Variants in BANP observed in about 807,000 individuals in gnomAD.
BANP encodes protein BANP.
BANP carries 11 observed loss-of-function variants against 68.1 expected under a neutral mutation model. The observed-to-expected ratio is 0.16, with a 90% confidence interval of 0.10 to 0.27. The LOEUF is 0.27. BANP is among the 10% of genes least tolerant of loss of function. The probability of loss-of-function intolerance (pLI) is 1.00; values close to 1 mark genes in which losing one functional copy is unlikely to be tolerated. For synonymous variants in BANP, 329 were observed against 303.2 expected, an observed-to-expected ratio of 1.09 and a Z score of -0.88; for missense variants, 504 against 722.7, an observed-to-expected ratio of 0.70 and a Z score of 3.47.
intron 4 of BANP, 60 bp downstream of exon 4, chr16:87,984,319 C>T (rs2063858907): frequency 7.1e-7 from 1 of 1,411,894 alleles, no homozygotes; most frequent in Non-Finnish European, 9.6e-7. Context: ...GCGTCACCTC[C>T]TCGCCCAGGC....
At chr16:88,009,826 TAAG>T (rs1490711441) in intron 6 of BANP, among the ~76,000 whole-genome samples, 1 of 147,536 alleles carries the variant, frequency 6.8e-6, no homozygotes, top group Admixed American at 6.6e-5. Context: ...CTCATTAGAA[TAAG>T]AAGGACAGTA....
Position 88,002,144 on chromosome 16 carries a change from A to G in BANP, c.363-2151A>G, listed in dbSNP as rs2069584391. ...GACTGCTTAGATGAGACAGGATTCC[A>G]TGTTGGTCCTGCTGTTTTTGGTTTT... On this transcript the variant is annotated intron_variant, in intron 4 of 13. Coordinates refer to ENST00000682872, the MANE Select transcript of BANP (RefSeq NM_001386991.1). This position sits in a 1 kb window ranked among gnomAD's most constrained non-coding sequence, Gnocchi z 4.6. Among the ~76,000 whole-genome samples the G allele has an allele frequency of 1.3e-5, 2 of 152,286 alleles. No individual in the cohort carries two copies. The highest frequency in any genetic ancestry group is 2.1e-4 in the South Asian group (1 of 4,824).
At chr16:88,021,040 C>T (rs2075940855) in intron 7 of BANP, among the ~76,000 whole-genome samples, 1 of 152,210 alleles carries the variant, frequency 6.6e-6, no homozygotes, top group South Asian at 2.1e-4. Flanking sequence ...AGTTGACCTT[C>T]TCTGCTGAGC....
chr16:87,963,982 G>A (rs559187596), intron 1 of BANP, among the ~76,000 whole-genome samples: 1 of 152,170 alleles, frequency 6.6e-6, no homozygotes, highest in African/African-American at 2.4e-5. Context: ...GCAGCTGTCC[G>A]TTTCTCCTGA....
chr16:87,959,574 G>A (rs966281867), intron 1 of BANP, among the ~76,000 whole-genome samples: 2 of 152,372 alleles, frequency 1.3e-5, no homozygotes, highest in East Asian at 3.9e-4. Flanking sequence ...GAGGAACAGC[G>A]CTGGCGTCAG....
chr16:88,058,685 A>G (rs896923941), intron 11 of BANP, among the ~76,000 whole-genome samples: 8 of 152,056 alleles, frequency 5.3e-5, no homozygotes, highest in Admixed American at 5.2e-4. Context: ...GTTTGTAGGA[A>G]GCCTGTGGTA....
chr16:88,069,950 G>A (rs751119712), intron 12 of BANP, among the ~76,000 whole-genome samples: 2 of 151,830 alleles, frequency 1.3e-5, no homozygotes, highest in African/African-American at 2.4e-5. Flanking sequence ...AGCCTCTCCT[G>A]TTCCTCCTCT....
intron 1 of BANP, among the ~76,000 whole-genome samples, chr16:87,954,954 C>T (rs548190422): frequency 1.8e-4 from 27 of 152,234 alleles, no homozygotes; most frequent in Non-Finnish European, 3.4e-4. Flanking sequence ...GCCAAGCCGC[C>T]GTTCCACAGC....
chr16:87,950,213 C>G (rs928806274), upstream of BANP, among the ~76,000 whole-genome samples: 1 of 152,112 alleles, frequency 6.6e-6, no homozygotes, highest in African/African-American at 2.4e-5. Context: ...AGCTGCCTCG[C>G]CCTGTGTTTG....
At chr16:88,017,649 G>A (rs1002310303) in intron 6 of BANP, among the ~76,000 whole-genome samples, 2 of 152,192 alleles carry the variant, frequency 1.3e-5, no homozygotes, top group African/African-American at 2.4e-5. Context: ...GCTGGCGGGC[G>A]TCACTGCCTG....
chr16:88,064,908 G>A lies in BANP; in HGVS notation c.1312-359G>A, dbSNP rs1337776719. ...CCTCCAGGGGAACACGAGTCATAGA[G>A]GACATTTCATTTTTTTTCTCCTCCA... On this transcript the variant is annotated intron_variant, in intron 11 of 13. Coordinates refer to ENST00000682872, the MANE Select transcript of BANP (RefSeq NM_001386991.1). The surrounding 1 kb of genome is among the most constrained non-coding windows in gnomAD (Gnocchi z 4.5). Among the ~76,000 whole-genome samples, 2 of 152,250 alleles carry A rather than the reference G, an allele frequency of 1.3e-5. No individual in the cohort carries two copies. Among genetic ancestry groups the A allele is most frequent in the Non-Finnish European group, 2.9e-5 (2 of 68,048 alleles).
intron 7 of BANP, among the ~76,000 whole-genome samples, chr16:88,021,823 A>C (rs1598523913): frequency 1.3e-5 from 2 of 152,148 alleles, no homozygotes; most frequent in Non-Finnish European, 2.9e-5. Flanking sequence ...GGCTGTCCTC[A>C]CTCAACCCAG....
intron 8 of BANP, among the ~76,000 whole-genome samples, chr16:88,031,648 C>CAAA (rs1230300944): frequency 1.8e-5 from 2 of 109,464 alleles, no homozygotes; most frequent in African/African-American, 6.1e-5. Context: ...GACTCTCTCT[C>CAAA]AAAAAAAAAA....
chr16:88,010,760 G>A (rs776431451), intron 6 of BANP, among the ~76,000 whole-genome samples: 13 of 151,428 alleles, frequency 8.6e-5, no homozygotes, highest in Non-Finnish European at 1.9e-4. Flanking sequence ...AAAGGAGAAC[G>A]TGTAGCCACG....
At chr16:88,023,678 G>T (rs1255225129) in intron 7 of BANP, among the ~76,000 whole-genome samples, 1 of 152,168 alleles carries the variant, frequency 6.6e-6, no homozygotes, top group Non-Finnish European at 1.5e-5. Flanking sequence ...TTCCCACAGT[G>T]CCTCTCATGG....
At chr16:87,970,680 G>A (rs1445524973) in intron 1 of BANP, among the ~76,000 whole-genome samples, 1 of 152,106 alleles carries the variant, frequency 6.6e-6, no homozygotes, top group African/African-American at 2.4e-5. Context: ...TGTTCACAAG[G>A]GCATCAGGGA....
chr16:88,063,928 AGTCATGACTTTCAAATGTTTCT>A lies in BANP; in HGVS notation c.1312-1338_1312-1317del, dbSNP rs778322379. On this transcript the variant is annotated intron_variant, in intron 11 of 13. Transcript: ENST00000682872. ...TTCTCAACTGGGAATGCATTTGAAA[AGTCATGACTTTCAAATGTTTCT>A]ACATTGATTTTGTTTTGATAAGTTT... 9.5e-4 allele frequency among the ~76,000 whole-genome samples: 144 copies of A among 152,352 alleles called. 1 individual carries two copies. Among genetic ancestry groups the A allele is most frequent in the Non-Finnish European group, 1.2e-3 (81 of 68,032 alleles).
intron 1 of BANP, among the ~76,000 whole-genome samples, chr16:87,974,618 G>A (rs577457909): frequency 1.3e-5 from 2 of 152,332 alleles, no homozygotes; most frequent in African/African-American, 4.8e-5. Flanking sequence ...AGTGGTATGG[G>A]TGGGAAGGGA....
In BANP at chr16:88,033,123, A is replaced by G. The variant is rs748053950; in HGVS notation, c.1078A>G (p.Thr360Ala). ...TGCCCCCACAGAGCCGATGATGAGC[A>G]CCCCACCTCCTGCCAGCGAGCTCCC... ...SYCPSEPMMS[T>A]PPPASELPQP... is the part of the protein sequence containing the mutation. Residue 360 changes from threonine (T) to alanine (A), a missense_variant, in exon 9 of 14, where the codon ACC becomes GCC. Physicochemically the swap from Thr to Ala is moderately conservative, Grantham distance 58. Transcript: ENST00000682872. 4 of 1,605,048 alleles carry G rather than the reference A, an allele frequency of 2.5e-6. No homozygotes were observed. Among genetic ancestry groups the G allele is most frequent in the Admixed American group, 3.4e-5 (2 of 59,624 alleles).
Sources: gnomAD v4.1 joint callset for allele counts (sites outside exome capture counted in the v4.1 genomes callset) on GRCh38, gnomAD v4.1.1 for gene constraint, Gnocchi (gnomAD v3.1) non-coding constraint, MANE v1.5 for transcripts, NCBI Gene and HGNC (gene_info 2026-07-23, HGNC 2026-07-21) for gene names.